Variants in NPAS3 observed in about 807,000 individuals in gnomAD.
The protein encoded by NPAS3 is neuronal PAS domain-containing protein 3.
A neutral mutation model predicts 73.1 loss-of-function variants in NPAS3; 14 were observed. The observed-to-expected ratio is 0.19, with a 90% CI of 0.13 to 0.30. The LOEUF is 0.30. Ranked by LOEUF, NPAS3 falls within the 10% of genes least tolerant of loss-of-function variation. NPAS3 has a pLI of 1.00. For synonymous variants in NPAS3, 620 were observed against 541.5 expected (o/e 1.14, Z -2.01); for missense variants, 1,096 against 1,250.0 (o/e 0.88, Z 1.86).
At chr14:33,605,511 A>G (rs571162561) in intron 5 of NPAS3, among the ~76,000 whole-genome samples, 59 of 152,244 alleles carry the variant, frequency 3.9e-4, no homozygotes, top group Admixed American at 1.3e-3. Flanking sequence ...AAAGACTACT[A>G]GAACTAATAA....
chr14:33,329,679 C>T (rs1391155754), intron 3 of NPAS3, among the ~76,000 whole-genome samples: 1 of 152,116 alleles, frequency 6.6e-6, no homozygotes, highest in South Asian at 2.1e-4. Context: ...GATCCTTCAC[C>T]CTTCTAGGAC....
exon 4 of NPAS3, chr14:33,367,228 T>G (rs749967084): frequency 1.2e-6 from 1 of 868,622 alleles, no homozygotes; most frequent in Non-Finnish European, 2.0e-6. Flanking sequence ...GCACTAGCCA[T>G]TGAAGTATTT....
At chr14:33,581,230 T>C (rs1004966370) in intron 5 of NPAS3, among the ~76,000 whole-genome samples, 23 of 152,138 alleles carry the variant, frequency 1.5e-4, no homozygotes, top group Non-Finnish European at 1.2e-4. Flanking sequence ...CAGCCAAAGG[T>C]GTTGAATAAA....
chr14:33,508,270 A>T (rs1465815131), intron 4 of NPAS3, among the ~76,000 whole-genome samples: 1 of 152,034 alleles, frequency 6.6e-6, no homozygotes, highest in Non-Finnish European at 1.5e-5. Context: ...TTCAGAACAA[A>T]ATCATATCTG....
At chr14:33,263,404 A>T (rs1180141224) in intron 3 of NPAS3, among the ~76,000 whole-genome samples, 1 of 152,100 alleles carries the variant, frequency 6.6e-6, no homozygotes, top group Non-Finnish European at 1.5e-5. Context: ...TGTTTTTCTC[A>T]GGTTTGTCAA....
intron 2 of NPAS3, among the ~76,000 whole-genome samples, chr14:33,167,944 G>A (rs187710005): frequency 1.3e-5 from 2 of 152,270 alleles, no homozygotes; most frequent in East Asian, 1.9e-4. Context: ...AGATGCGATC[G>A]CCTAAATAAG....
downstream of NPAS3, chr14:33,803,844 T>C (rs2063772675): frequency 6.6e-6 from 1 of 152,206 alleles, no homozygotes; most frequent in African/African-American, 2.4e-5. Flanking sequence ...AGGGATATTC[T>C]GTTCGTAAAA....
intron 2 of NPAS3, among the ~76,000 whole-genome samples, chr14:33,112,088 GATCC>G (rs1464370137): frequency 2.0e-5 from 3 of 152,084 alleles, no homozygotes; most frequent in Admixed American, 6.5e-5. Flanking sequence ...ATTTGGGTTG[GATCC>G]AAGTCTTTGC....
intron 4 of NPAS3, among the ~76,000 whole-genome samples, chr14:33,483,849 C>A (rs1218740345): frequency 1.3e-5 from 2 of 152,222 alleles, no homozygotes; most frequent in Admixed American, 6.5e-5. Flanking sequence ...TGGACCTCAA[C>A]AGCTTTGCAG....
At chr14:32,970,836 T>G (rs2037388909) in intron 1 of NPAS3, among the ~76,000 whole-genome samples, 1 of 152,168 alleles carries the variant, frequency 6.6e-6, no homozygotes, top group Non-Finnish European at 1.5e-5. Flanking sequence ...GTAAGAACAC[T>G]GGCCATACTG....
At chr14:33,074,059 A>T (rs967370672) in intron 2 of NPAS3, among the ~76,000 whole-genome samples, 1 of 152,202 alleles carries the variant, frequency 6.6e-6, no homozygotes, top group East Asian at 1.9e-4. Context: ...GCTGTGGTTT[A>T]TGTGATTACC....
intron 5 of NPAS3, among the ~76,000 whole-genome samples, chr14:33,607,654 G>T (rs1425364531): frequency 6.6e-6 from 1 of 152,138 alleles, no homozygotes; most frequent in African/African-American, 2.4e-5. Flanking sequence ...TTAAATATAT[G>T]CAGCTTATTC....
chr14:33,678,657 G>A (rs1344169772), intron 6 of NPAS3, among the ~76,000 whole-genome samples: 5 of 151,876 alleles, frequency 3.3e-5, no homozygotes, highest in Non-Finnish European at 4.4e-5. Context: ...AATGCAGCCT[G>A]AGGTTAAATT....
intron 4 of NPAS3, among the ~76,000 whole-genome samples, chr14:33,435,665 C>T (rs1046731879): frequency 6.6e-6 from 1 of 152,180 alleles, no homozygotes; most frequent in Non-Finnish European, 1.5e-5. Context: ...GGCTTAGGCC[C>T]TGGGACTACA....
At chr14:33,439,140 C>A (rs2049121379) in intron 4 of NPAS3, among the ~76,000 whole-genome samples, 1 of 151,616 alleles carries the variant, frequency 6.6e-6, no homozygotes, top group Non-Finnish European at 1.5e-5. Context: ...AACTGTTTTT[C>A]TAATACATCT....
At chr14:33,554,951 A>C (rs1262909031) in intron 4 of NPAS3, among the ~76,000 whole-genome samples, 2 of 152,196 alleles carry the variant, frequency 1.3e-5, no homozygotes, top group African/African-American at 2.4e-5. Flanking sequence ...GGGGTTAAGA[A>C]ACTATGCCTT....
intron 4 of NPAS3, among the ~76,000 whole-genome samples, chr14:33,414,840 A>G (rs1333363577): frequency 6.6e-6 from 1 of 152,110 alleles, no homozygotes; most frequent in East Asian, 1.9e-4. Flanking sequence ...AAAATCAGTA[A>G]ACCTTTAAAC....
chr14:32,985,384 A>G (rs184406448), intron 1 of NPAS3, among the ~76,000 whole-genome samples: 2 of 152,310 alleles, frequency 1.3e-5, no homozygotes, highest in African/African-American at 2.4e-5. Flanking sequence ...TAATTATCCA[A>G]ATAACACAGG....
intron 1 of NPAS3, among the ~76,000 whole-genome samples, chr14:32,950,068 C>T (rs1339150837): frequency 6.6e-6 from 1 of 152,000 alleles, no homozygotes; most frequent in African/African-American, 2.4e-5. Context: ...TTAACTATTT[C>T]TTCCATATGA....
Sources: gnomAD v4.1 joint callset for allele counts (sites outside exome capture counted in the v4.1 genomes callset) on GRCh38, gnomAD v4.1.1 for gene constraint, MANE v1.5 for transcripts, NCBI Gene and HGNC (gene_info 2026-07-23, HGNC 2026-07-21) for gene names.